The following EFCAB5 variants were observed in gnomAD, a reference collection of about 807,000 sequenced individuals.
EFCAB5 encodes EF-hand calcium binding domain 5.
A neutral mutation model predicts 167.9 loss-of-function variants in EFCAB5; 131 were observed. That is an observed-to-expected ratio of 0.78 (90% CI 0.68 to 0.90). The LOEUF is 0.90. EFCAB5 is among the 40% of genes least tolerant of loss of function. The probability of loss-of-function intolerance (pLI) is 0.00; values close to 1 mark genes in which losing one functional copy is unlikely to be tolerated. For missense variants in EFCAB5, 1,663 were observed against 1,745.2 expected (o/e 0.95, Z 0.84); for synonymous variants, 574 against 602.8 (o/e 0.95, Z 0.70).
chr17:30,002,955 G>A (rs948497109), intron 7 of EFCAB5, among the ~76,000 whole-genome samples: 1 of 152,046 alleles, frequency 6.6e-6, no homozygotes, highest in African/African-American at 2.4e-5. Context: ...TTCCTCAGTA[G>A]GTAAAGTATT....
chr17:30,021,252 T>G (rs1377474467), intron 7 of EFCAB5, among the ~76,000 whole-genome samples: 1 of 150,648 alleles, frequency 6.6e-6, no homozygotes, highest in African/African-American at 2.4e-5. Context: ...CTAATGAGTT[T>G]ATATAAGTAC....
chr17:29,934,999 A>C (rs1238295492), intron 1 of EFCAB5, among the ~76,000 whole-genome samples: 2 of 152,176 alleles, frequency 1.3e-5, no homozygotes, highest in African/African-American at 4.8e-5. Flanking sequence ...AGCTAAGCTT[A>C]AGACAGAGCA....
chr17:29,985,224 CT>C (rs1340590912), intron 4 of EFCAB5, among the ~76,000 whole-genome samples: 3 of 152,182 alleles, frequency 2.0e-5, no homozygotes, highest in Non-Finnish European at 4.4e-5. Flanking sequence ...AAGGGTAACT[CT>C]TATGCTCAGC....
At chr17:30,088,882 A>C (rs1443847912) in intron 19 of EFCAB5, among the ~76,000 whole-genome samples, 1 of 152,234 alleles carries the variant, frequency 6.6e-6, no homozygotes, top group Admixed American at 6.5e-5. Flanking sequence ...TGTGCTGGTC[A>C]AAAGTTTTAC....
intron 12 of EFCAB5, 44 bp from the exon 13 acceptor site, chr17:30,057,632 A>G: frequency 6.4e-7 from 1 of 1,552,910 alleles, no homozygotes; most frequent in Non-Finnish European, 8.8e-7. Flanking sequence ...CCTAACTGAA[A>G]AAATTGTTCA....
chr17:29,954,790 C>G (rs1235798620), intron 3 of EFCAB5, among the ~76,000 whole-genome samples: 1 of 152,244 alleles, frequency 6.6e-6, no homozygotes, highest in Admixed American at 6.5e-5. Context: ...ACGTTCAATG[C>G]TAGCCTGTGA....
intron 4 of EFCAB5, among the ~76,000 whole-genome samples, chr17:29,987,749 A>G (rs1222000900): frequency 6.6e-6 from 1 of 152,182 alleles, no homozygotes; most frequent in East Asian, 1.9e-4. Flanking sequence ...GAAAAATGTA[A>G]CTAGAGCTTG....
intron 15 of EFCAB5, among the ~76,000 whole-genome samples, chr17:30,079,662 G>A (rs1026171469): frequency 4.1e-4 from 62 of 151,996 alleles, no homozygotes; most frequent in Non-Finnish European, 5.4e-4. Flanking sequence ...CATCACAGTC[G>A]ACGGTCAAGA....
At chr17:30,063,171 C>T (rs2070470825) in intron 14 of EFCAB5, among the ~76,000 whole-genome samples, 1 of 152,132 alleles carries the variant, frequency 6.6e-6, no homozygotes, top group African/African-American at 2.4e-5. Flanking sequence ...GGCTGAAATA[C>T]CCATCTCCCT....
At chr17:30,059,748 C>A in intron 14 of EFCAB5, 47 bp downstream of exon 14, 2 of 1,501,720 alleles carry the variant, frequency 1.3e-6, no homozygotes, top group Non-Finnish European at 1.8e-6. Flanking sequence ...ATTAACTTGG[C>A]TTCAAGTTTC....
At chr17:30,059,931 T>C (rs1342992629) in intron 14 of EFCAB5, 2 of 245,656 alleles carry the variant, frequency 8.1e-6, no homozygotes, top group East Asian at 1.6e-4. Flanking sequence ...CCAGTGATCC[T>C]CCTACCTCAG....
chr17:29,938,428 A>G (rs2067263339), upstream of EFCAB5, among the ~76,000 whole-genome samples: 1 of 152,214 alleles, frequency 6.6e-6, no homozygotes. Flanking sequence ...GCTGAAGGCT[A>G]GCATGGCTGT....
At chr17:29,974,436 CAG>C (rs2151592225) in intron 4 of EFCAB5, among the ~76,000 whole-genome samples, 1 of 151,650 alleles carries the variant, frequency 6.6e-6, no homozygotes, top group Non-Finnish European at 1.5e-5. Context: ...CCAGTTACTC[CAG>C]AGGCTGAGGT....
chr17:29,990,062 C>T (rs2068378983), intron 4 of EFCAB5, among the ~76,000 whole-genome samples: 1 of 152,120 alleles, frequency 6.6e-6, no homozygotes, highest in Non-Finnish European at 1.5e-5. Context: ...AAATCTCTCC[C>T]CCCACAATTT....
intron 3 of EFCAB5, among the ~76,000 whole-genome samples, chr17:29,946,054 C>G (rs955196083): frequency 3.9e-5 from 6 of 152,058 alleles, no homozygotes; most frequent in Non-Finnish European, 2.9e-5. Context: ...ACTGACAACC[C>G]ACAGAATGGA....
rs60700223 is a variant in EFCAB5 at position 30,085,719 on chromosome 17, CAAAAAAAAA to C, written c.3580-1333_3580-1325del. 4.9e-3 allele frequency among the ~76,000 whole-genome samples: 619 copies of C among 125,518 alleles called. 5 individuals carry two copies. The highest frequency in any genetic ancestry group is 0.018 in the African/African-American group (587 of 32,088). The allele number at this position is 125,518 out of a possible 152,430, so 82.3% of individuals were successfully genotyped here. A position where few individuals can be genotyped will look rare whatever the true frequency, so the allele number is the denominator to read the frequency against. ...TGGGCGACACAGCGAGACTCCGTCTCAAAAAAAAAAAAAAAAAAAGAAAAGAAAAGAAAT... is the reference window on the plus strand; with the variant it reads ...TGGGCGACACAGCGAGACTCCGTCTCAAAAAAAAAAGAAAAGAAAAGAAAT... On this transcript the variant is annotated intron_variant, in intron 18 of 22. Coordinates refer to ENST00000394835, the MANE Select transcript of EFCAB5 (RefSeq NM_198529.4).
chr17:30,080,163 T>C lies in EFCAB5; in HGVS notation c.3119T>C (p.Leu1040Ser), dbSNP rs1456171884. The C allele has an allele frequency of 6.2e-7, 1 of 1,613,942 alleles. No individual in the cohort carries two copies. The change falls in exon 16 of 23, where the codon TTG (leucine) becomes TCG (serine). Residue 1040 changes from leucine to serine, a missense_variant. Transcript: ENST00000394835. ...CTGCCTGAGAAAGGGAATGTTCTAT[T>C]GAGGAATGTGGCTTGTACCTTAGAT... Reference protein sequence around the residue: ...LLLPEKGNVLLRNVACTLDDA... With the variant: ...LLLPEKGNVLSRNVACTLDDA...
intron 2 of EFCAB5, among the ~76,000 whole-genome samples, chr17:29,942,641 T>A (rs996251728): frequency 3.3e-5 from 5 of 152,210 alleles, no homozygotes; most frequent in Non-Finnish European, 5.9e-5. Flanking sequence ...AGTAACTTTG[T>A]GTTTAAATAA....
At chr17:29,997,769 A>G (rs1024641143) in intron 6 of EFCAB5, among the ~76,000 whole-genome samples, 3 of 152,142 alleles carry the variant, frequency 2.0e-5, no homozygotes, top group Non-Finnish European at 2.9e-5. Context: ...CAAGAATTCC[A>G]TGTGTTCTGC....
Sources: allele counts gnomAD v4.1 joint callset (sites outside exome capture counted in the v4.1 genomes callset), GRCh38; gene constraint gnomAD v4.1.1; transcripts MANE v1.5; gene names NCBI Gene and HGNC (gene_info 2026-07-23, HGNC 2026-07-21).